Variants in DEPDC1 observed in about 807,000 individuals in gnomAD.
DEPDC1 encodes DEP domain containing 1.
In DEPDC1, 66 loss-of-function variants were observed where a neutral mutation model predicts 86.8. The observed-to-expected ratio is 0.76, with a 90% CI of 0.62 to 0.93. The LOEUF is 0.93. Among genes scored for constraint, DEPDC1 ranks in the 40% least tolerant of loss-of-function variants. The pLI is 0.00. For missense variants in DEPDC1, 792 were observed against 935.7 expected (o/e 0.85, Z 2.00); for synonymous variants, 255 against 314.9 (o/e 0.81, Z 2.02).
chr1:68,493,980 A>G (rs953833554), intron 2 of DEPDC1, among the ~76,000 whole-genome samples: 1 of 152,182 alleles, frequency 6.6e-6, no homozygotes, highest in Non-Finnish European at 1.5e-5. Context: ...GATTACAGGC[A>G]TGAGCCACTT....
rs760126114 is a variant in DEPDC1 at position 68,488,967 on chromosome 1, T to G, written c.539A>C (p.Glu180Ala). The G allele has an allele frequency of 6.8e-6, 11 of 1,606,232 alleles. No individual in the cohort carries two copies. The South Asian group carries it at 1.2e-4, about 18-fold the overall frequency. Residue 180 changes from glutamate to alanine, a missense_variant, in exon 4 of 12, where the codon GAA becomes GCA. Coordinates refer to ENST00000456315, the MANE Select transcript of DEPDC1 (RefSeq NM_001114120.3). Reference sequence around the variant, plus strand: ...TTCTTCAACATCTTCCTGGCTTAGTTCTCTATTATCAATTGCATTTTCTTG... The same window carrying G: ...TTCTTCAACATCTTCCTGGCTTAGTGCTCTATTATCAATTGCATTTTCTTG... Reference protein sequence around the residue: ...EDQENAIDNRELSQEDVEEVW... With the variant: ...EDQENAIDNRALSQEDVEEVW...
intron 2 of DEPDC1, among the ~76,000 whole-genome samples, chr1:68,492,495 T>C (rs1241287095): frequency 6.6e-6 from 1 of 151,782 alleles, no homozygotes; most frequent in East Asian, 1.9e-4. Context: ...TCCCTTGAGC[T>C]CAGGAGTTTG....
At position 68,479,258 on chromosome 1, in the gene DEPDC1, A is replaced by G; in HGVS notation, c.1998T>C (p.Leu666=). 1 of 1,612,710 alleles carries G rather than the reference A, an allele frequency of 6.2e-7. No individual in the cohort carries two copies. Among genetic ancestry groups the G allele is most frequent in the South Asian group, 1.1e-5 (1 of 91,028 alleles). ...AGAAAGAAACTAATCTTCCAGCAAG[A>G]AGCTCATCAAGATCCACTTCTTCAG... The part of the protein sequence containing the change: ...CCAEEVDLDE[L]LAGRLVSFLM... Residue 666 remains leucine, a synonymous_variant, in exon 10 of 12, where the codon CTT becomes CTC. Coordinates refer to ENST00000456315, the MANE Select transcript of DEPDC1 (RefSeq NM_001114120.3).
chr1:68,489,052 T>C lies in DEPDC1; in HGVS notation c.472-18A>G, dbSNP rs1646212277. On this transcript the variant is annotated intron_variant, in intron 3 of 11. Coordinates refer to ENST00000456315, the MANE Select transcript of DEPDC1 (RefSeq NM_001114120.3). ...CCATTTTCCTGAAAAAAGGATTATT[T>C]TGGTTTAATCTGTTATGCTCAAATT... The C allele has an allele frequency of 1.3e-6, 2 of 1,539,162 alleles. No individual in the cohort carries two copies. Among genetic ancestry groups the C allele is most frequent in the Non-Finnish European group, 1.8e-6 (2 of 1,114,724 alleles).
At chr1:68,481,927 A>T in intron 8 of DEPDC1, 119 bp downstream of exon 8, 2 of 1,029,542 alleles carry the variant, frequency 1.9e-6, no homozygotes, top group Non-Finnish European at 2.7e-6. Context: ...CTTTTTAAAT[A>T]ATTCCTCTTG....
In DEPDC1 at chr1:68,496,796, C is replaced by T; in HGVS notation, c.48+156G>A. 1.4e-6 allele frequency: 1 copy of T among 730,256 alleles called. No individual in the cohort carries two copies. Among genetic ancestry groups the T allele is most frequent in the Non-Finnish European group, 2.3e-6 (1 of 429,600 alleles). The allele number at this position is 730,256 out of a possible 1,614,324, so 45.2% of individuals were successfully genotyped here. The stretch of plus-strand genomic sequence containing the variant: ...GGTGAGTCTGGCAAGGGTTGCATAC[C>T]CGCTACTTCTCCTCGCCAGCCTTTT... On this transcript the variant is annotated intron_variant, in intron 1 of 11. Coordinates refer to ENST00000456315, the MANE Select transcript of DEPDC1 (RefSeq NM_001114120.3). The surrounding 1 kb of genome is among the most constrained non-coding windows in gnomAD (Gnocchi z 4.0).
chr1:68,487,240 T>C (rs1207617568), intron 5 of DEPDC1, among the ~76,000 whole-genome samples: 1 of 152,032 alleles, frequency 6.6e-6, no homozygotes, highest in Non-Finnish European at 1.5e-5. Context: ...ACATAACAAT[T>C]AAATACTGCC....
In DEPDC1 at chr1:68,489,526, C is replaced by T; in HGVS notation, c.397G>A (p.Asp133Asn). The T allele has an allele frequency of 1.3e-6, 2 of 1,544,348 alleles. No homozygotes were observed. Among genetic ancestry groups the T allele is most frequent in the Non-Finnish European group, 1.7e-6 (2 of 1,154,922 alleles). The change falls in exon 3 of 12, where the codon GAT (aspartate) becomes AAT (asparagine). Residue 133 changes from aspartate (D) to asparagine (N), a missense_variant. By Grantham distance (23) the Asp-to-Asn change is conservative. Coordinates refer to ENST00000456315, the MANE Select transcript of DEPDC1 (RefSeq NM_001114120.3). ...CGTAATTTAAAAATGCTATCTTTAT[C>T]TTTGGAAAAGTTCTCTATGTTGTTT... ...RKNNIENFSK[D>N]KDSIFKLRNL...
chr1:68,479,324 G>T lies in DEPDC1; in HGVS notation c.1936-4C>A, dbSNP rs762392349. The T allele has an allele frequency of 1.9e-6, 3 of 1,561,888 alleles. No individual in the cohort carries two copies. Among genetic ancestry groups the T allele is most frequent in the Non-Finnish European group, 8.7e-7 (1 of 1,155,100 alleles). On this transcript the variant is annotated splice_polypyrimidine_tract_variant and splice_region_variant and intron_variant, in intron 9 of 11. Transcript: ENST00000456315. ...ATCGAGAAAAGGTATGTATCATCTA[G>T]AAAAATATTAAAAGATGTGAATTTA... is the stretch of plus-strand genomic sequence containing the variant.
At position 68,496,745 on chromosome 1, in the gene DEPDC1, GC is replaced by G. The variant is rs1646268446; in HGVS notation, c.48+206del. 1 of 526,288 alleles carries G rather than the reference GC, an allele frequency of 1.9e-6. No homozygotes were observed. The highest frequency in any genetic ancestry group is 3.4e-5 in the East Asian group (1 of 29,678). 32.6% of individuals were successfully genotyped at this position (526,288 alleles called of 1,614,324 possible). On this transcript the variant is annotated intron_variant, in intron 1 of 11. Transcript: ENST00000456315. The surrounding 1 kb of genome is among the most constrained non-coding windows in gnomAD (Gnocchi z 4.0). ...CGCGGCGCTTCCTTTCGGACCTGAG[GC>G]CCAGACCCTCAAAATAGAGGGAGCG...
intron 4 of DEPDC1, 22 bp downstream of exon 4, chr1:68,488,894 T>C (rs749054095): frequency 2.1e-6 from 3 of 1,403,164 alleles, no homozygotes; most frequent in East Asian, 2.3e-5. Context: ...AGGAACTTCA[T>C]TAAAGCTTAA....
chr1:68,487,011 G>C (rs1471075517), intron 5 of DEPDC1, 27 bp from the exon 6 acceptor site: 1 of 1,582,716 alleles, frequency 6.3e-7, no homozygotes, highest in South Asian at 1.2e-5. Flanking sequence ...ATATTACTAA[G>C]TAAACCATAC....
At chr1:68,484,137 A>G in intron 6 of DEPDC1, 47 bp from the exon 7 acceptor site, 1 of 1,371,034 alleles carries the variant, frequency 7.3e-7, no homozygotes. Context: ...ATTTTAATTT[A>G]AATACAATTT....
chr1:68,488,578 AG>A, intron 4 of DEPDC1, 74 bp from the exon 5 acceptor site: 1 of 1,252,466 alleles, frequency 8.0e-7, no homozygotes, highest in Non-Finnish European at 1.1e-6. Context: ...TAGTAAACAA[AG>A]CCATCAGAAT....
Position 68,475,361 on chromosome 1 carries a change from A to G in DEPDC1, c.*1571T>C, listed in dbSNP as rs904727589. On this transcript the variant is annotated 3_prime_UTR_variant, in exon 12 of 12. Transcript: ENST00000456315. ...AATAATTTTAATCTCAATTTGCAAC[A>G]TAATCCACATTTTACATATCTATAA... is the stretch of plus-strand genomic sequence containing the variant. The G allele has an allele frequency of 9.2e-5, 14 of 151,972 alleles. No homozygotes were observed. Among genetic ancestry groups the G allele is most frequent in the Admixed American group, 7.9e-4 (12 of 15,226 alleles). 9.4% of individuals were successfully genotyped at this position (151,972 alleles called of 1,614,324 possible). A position where few individuals can be genotyped will look rare whatever the true frequency, so the allele number is the denominator to read the frequency against.
intron 7 of DEPDC1, chr1:68,483,612 C>T (rs1182515874): frequency 3.6e-6 from 1 of 275,012 alleles, no homozygotes; most frequent in Non-Finnish European, 7.0e-6. Flanking sequence ...AAACTCTGTG[C>T]CACCCCCACC....
At chr1:68,478,032 T>C in intron 10 of DEPDC1, 60 bp from the exon 11 acceptor site, 1 of 1,265,966 alleles carries the variant, frequency 7.9e-7, no homozygotes, top group Non-Finnish European at 1.1e-6. Context: ...TATGATAAAG[T>C]ATTCTTTTGA....
chr1:68,489,120 C>T, intron 3 of DEPDC1, 86 bp from the exon 4 acceptor site: 1 of 820,754 alleles, frequency 1.2e-6, no homozygotes, highest in Non-Finnish European at 2.0e-6. Flanking sequence ...ACTATCAGTC[C>T]ATTGTGGAGC....
intron 2 of DEPDC1, among the ~76,000 whole-genome samples, chr1:68,490,882 C>T (rs552002340): frequency 6.6e-6 from 1 of 152,240 alleles, no homozygotes; most frequent in South Asian, 2.1e-4. Flanking sequence ...TAAGGCCATG[C>T]ACCTACAACC....
Sources: allele counts gnomAD v4.1 joint callset (sites outside exome capture counted in the v4.1 genomes callset), GRCh38; gene constraint gnomAD v4.1.1; non-coding constraint Gnocchi (gnomAD v3.1); transcripts MANE v1.5; gene names NCBI Gene and HGNC (gene_info 2026-07-23, HGNC 2026-07-21).